The following SLC25A26 variants were observed in gnomAD, a reference collection of about 807,000 sequenced individuals.
SLC25A26 encodes solute carrier family 25 member 26.
A neutral mutation model predicts 37.8 loss-of-function variants in SLC25A26; 36 were observed. The ratio of observed to expected loss-of-function variants is 0.95; its 90% CI spans 0.73 to 1.26. The LOEUF is 1.26. Among genes scored for constraint, SLC25A26 ranks in the 50% most tolerant of loss-of-function variants. The pLI, the probability that SLC25A26 is intolerant of heterozygous loss-of-function variation, is 0.00. For missense variants in SLC25A26, 390 were observed against 331.1 expected (o/e 1.18, Z -1.38); for synonymous variants, 129 against 122.5 (o/e 1.05, Z -0.35).
rs1272032585 is a variant in SLC25A26, at chr3:66,377,796, A to C, written c.814A>C (p.Lys272Gln). The C allele has an allele frequency of 6.2e-7, 1 of 1,613,506 alleles. No individual in the cohort carries two copies. The highest frequency in any genetic ancestry group is 1.3e-5 in the African/African-American group (1 of 74,902). ...THSLLLEVGR[K>Q]SP ...CAGCTTGCTGTTGGAAGTTGGCAGA[A>C]AGAGTCCTTGAAGCAGAGACAAGCC... is the stretch of plus-strand genomic sequence containing the variant. The change falls in exon 10 of 10, where the codon AAG becomes CAG. Residue 272 changes from lysine (K) to glutamine (Q), a missense_variant. Coordinates refer to ENST00000354883, the MANE Select transcript of SLC25A26 (RefSeq NM_001379210.1).
At chr3:66,370,472 A>C in intron 8 of SLC25A26, 57 bp from the exon 9 acceptor site, 7 of 1,359,450 alleles carry the variant, frequency 5.1e-6, no homozygotes, top group Non-Finnish European at 7.3e-6. Context: ...TCTGAGAGGC[A>C]AGTGTGTGAT....
intron 1 of SLC25A26, among the ~76,000 whole-genome samples, chr3:66,187,070 C>T (rs1164208894): frequency 6.6e-6 from 1 of 151,948 alleles, no homozygotes; most frequent in Non-Finnish European, 1.5e-5. Context: ...CTCAACTTCA[C>T]CCAGAGCCTT....
chr3:66,279,186 G>A (rs1401708350), intron 5 of SLC25A26, among the ~76,000 whole-genome samples: 1 of 152,062 alleles, frequency 6.6e-6, no homozygotes, highest in East Asian at 1.9e-4. Flanking sequence ...TTTTAGGTAT[G>A]ACAACTTTGA....
intron 1 of SLC25A26, among the ~76,000 whole-genome samples, chr3:66,165,852 A>C (rs2070418002): frequency 6.6e-6 from 1 of 152,218 alleles, no homozygotes; most frequent in African/African-American, 2.4e-5. Flanking sequence ...GTCCAACATT[A>C]GGAAACACAA....
intron 5 of SLC25A26, among the ~76,000 whole-genome samples, chr3:66,280,615 A>G (rs1465851916): frequency 6.6e-6 from 1 of 151,852 alleles, no homozygotes. Flanking sequence ...TTTCCTTTCT[A>G]CTCTTTGAGG....
chr3:66,209,898 T>TTATATTTATATATATATA (rs2071257057), intron 1 of SLC25A26, among the ~76,000 whole-genome samples: 7 of 38,616 alleles, frequency 1.8e-4, no homozygotes, highest in Non-Finnish European at 3.0e-4. Context: ...CTCTCTCTAT[T>TTATATTTATATATATATA]TATATATATA....
intron 1 of SLC25A26, among the ~76,000 whole-genome samples, chr3:66,232,006 C>T (rs1204053329): frequency 1.3e-5 from 2 of 152,100 alleles, no homozygotes; most frequent in Admixed American, 1.3e-4. Flanking sequence ...AACAGGGCCC[C>T]AGTGGATGGA....
intron 2 of SLC25A26, among the ~76,000 whole-genome samples, chr3:66,241,364 T>G (rs1395262486): frequency 6.6e-6 from 1 of 152,156 alleles, no homozygotes; most frequent in African/African-American, 2.4e-5. Context: ...TGTCACAAAG[T>G]CCCTATCTTT....
intron 5 of SLC25A26, among the ~76,000 whole-genome samples, chr3:66,290,948 C>A (rs1372697587): frequency 6.6e-6 from 1 of 152,050 alleles, no homozygotes; most frequent in African/African-American, 2.4e-5. Flanking sequence ...TGGTACTGGG[C>A]CTTTTTTGGT....
intron 5 of SLC25A26, among the ~76,000 whole-genome samples, chr3:66,345,311 C>T (rs376605202): frequency 3.9e-5 from 6 of 152,284 alleles, no homozygotes; most frequent in African/African-American, 1.4e-4. Context: ...ACTGGCTGCT[C>T]TGTTCCTGGA....
intron 1 of SLC25A26, among the ~76,000 whole-genome samples, chr3:66,185,796 C>G (rs2106774769): frequency 6.6e-6 from 1 of 152,036 alleles, no homozygotes; most frequent in East Asian, 1.9e-4. Context: ...TGACTCTCAC[C>G]TCTCTTTGAC....
intron 1 of SLC25A26, among the ~76,000 whole-genome samples, chr3:66,139,797 C>T (rs2070007378): frequency 1.3e-5 from 2 of 152,002 alleles, no homozygotes; most frequent in South Asian, 2.1e-4. Flanking sequence ...GCGCTAAAGC[C>T]GTGGGTCAGG....
In SLC25A26 at chr3:66,326,082, G is replaced by C. The variant is rs542336854; in HGVS notation, c.454-20282G>C. On this transcript the variant is annotated intron_variant, in intron 5 of 9. Coordinates refer to ENST00000354883, the MANE Select transcript of SLC25A26 (RefSeq NM_001379210.1). ...TGAAGAGAAATGAGGTGCCAAGAAG[G>C]ATCCACAGATTTCTGACACAACCAC... Among the ~76,000 whole-genome samples the C allele has an allele frequency of 5.9e-5, 9 of 152,262 alleles. No homozygotes were observed. The East Asian group carries it at 1.7e-3, about 29-fold the overall frequency.
At chr3:66,161,802 C>A (rs2070363604) in intron 1 of SLC25A26, among the ~76,000 whole-genome samples, 1 of 152,188 alleles carries the variant, frequency 6.6e-6, no homozygotes, top group Non-Finnish European at 1.5e-5. Flanking sequence ...TCCCTGACTT[C>A]AGGACCTTCC....
chr3:66,232,582 C>G (rs2072085420), intron 1 of SLC25A26, among the ~76,000 whole-genome samples: 1 of 152,154 alleles, frequency 6.6e-6, no homozygotes, highest in African/African-American at 2.4e-5. Flanking sequence ...TTGGAAACAA[C>G]AAGATCTAAA....
At chr3:66,178,698 T>C (rs2070637220) in intron 1 of SLC25A26, among the ~76,000 whole-genome samples, 1 of 152,190 alleles carries the variant, frequency 6.6e-6, no homozygotes, top group South Asian at 2.1e-4. Flanking sequence ...GTTACTTTGA[T>C]TTGTTAACGT....
intron 2 of SLC25A26, among the ~76,000 whole-genome samples, chr3:66,242,207 G>A (rs1340453357): frequency 1.3e-5 from 2 of 152,202 alleles, no homozygotes; most frequent in South Asian, 2.1e-4. Context: ...GGTTAGGAGG[G>A]TAGGATGTAG....
rs115356719 is a variant in SLC25A26 at position 66,263,625 on chromosome 3, C to G, written c.453+246C>G. ...CCCATGTTGTTACTGACTTGTTATTCTAGGGTGGCTAAATGTCTCTTATAG... is the reference window on the plus strand; with the variant it reads ...CCCATGTTGTTACTGACTTGTTATTGTAGGGTGGCTAAATGTCTCTTATAG... On this transcript the variant is annotated intron_variant, in intron 5 of 9. Coordinates refer to ENST00000354883, the MANE Select transcript of SLC25A26 (RefSeq NM_001379210.1). 1.9e-3 allele frequency among the ~76,000 whole-genome samples: 290 copies of G among 152,090 alleles called. 1 individual carries two copies. The highest frequency in any genetic ancestry group is 6.5e-3 in the African/African-American group (268 of 41,484).
intron 9 of SLC25A26, among the ~76,000 whole-genome samples, chr3:66,375,076 AT>A (rs1454394182): frequency 6.6e-6 from 1 of 152,224 alleles, no homozygotes; most frequent in Non-Finnish European, 1.5e-5. Context: ...TAACAGCCTC[AT>A]TGCACATACG....
Sources: allele counts gnomAD v4.1 joint callset (sites outside exome capture counted in the v4.1 genomes callset), GRCh38; gene constraint gnomAD v4.1.1; transcripts MANE v1.5; gene names NCBI Gene and HGNC (gene_info 2026-07-23, HGNC 2026-07-21).